MYOM2: variants seen among roughly 807,000 people sequenced by gnomAD.
MYOM2 encodes the protein myomesin 2.
Under a neutral mutation model 187.6 loss-of-function variants are expected in MYOM2, and 254 were observed. The ratio of observed to expected loss-of-function variants is 1.35; its 90% CI spans 1.22 to 1.50. MYOM2 has a LOEUF of 1.50. MYOM2 is among the 40% of genes most tolerant of loss of function. The probability of loss-of-function intolerance (pLI) is 0.00; values close to 1 mark genes in which losing one functional copy is unlikely to be tolerated. For synonymous variants in MYOM2, 981 were observed against 753.8 expected, an observed-to-expected ratio of 1.30 and a Z score of -4.94; for missense variants, 2,796 against 1,924.0, an observed-to-expected ratio of 1.45 and a Z score of -8.48.
At chr8:2,104,763 G>T (rs948911774) in intron 21 of MYOM2, among the ~76,000 whole-genome samples, 1 of 152,100 alleles carries the variant, frequency 6.6e-6, no homozygotes, top group Admixed American at 6.5e-5. Context: ...AACTGGGTGT[G>T]TGCGGAAACG....
At chr8:2,048,405 G>T (rs1440599783) in intron 1 of MYOM2, among the ~76,000 whole-genome samples, 2 of 152,248 alleles carry the variant, frequency 1.3e-5, no homozygotes, top group African/African-American at 2.4e-5. Flanking sequence ...GATCCACCTT[G>T]ATTAACTCAT....
chr8:2,139,420 T>C (rs1404332750), intron 32 of MYOM2, among the ~76,000 whole-genome samples: 1 of 152,156 alleles, frequency 6.6e-6, no homozygotes, highest in South Asian at 2.1e-4. Flanking sequence ...GGGTTACAGG[T>C]GTGAGCCACC....
At chr8:2,135,285 T>A (rs1362490424) in intron 32 of MYOM2, among the ~76,000 whole-genome samples, 1 of 152,234 alleles carries the variant, frequency 6.6e-6, no homozygotes, top group Non-Finnish European at 1.5e-5. Context: ...CAGTATCAAA[T>A]CAAAATATTG....
intron 32 of MYOM2, among the ~76,000 whole-genome samples, chr8:2,136,939 G>C (rs1430382405): frequency 6.6e-6 from 1 of 152,094 alleles, no homozygotes; most frequent in African/African-American, 2.4e-5. Context: ...AATTTCACCT[G>C]TTGGACAAAG....
intron 32 of MYOM2, among the ~76,000 whole-genome samples, chr8:2,137,981 A>G (rs62480009): frequency 0.049 from 7,509 of 152,152 alleles, 565 homozygotes; most frequent in African/African-American, 0.16. Context: ...TGCCTGGTAT[A>G]TGTTCTGTGC....
chr8:2,123,780 A>T (rs1168631376), intron 30 of MYOM2, 138 bp downstream of exon 30: 4 of 730,826 alleles, frequency 5.5e-6, no homozygotes, highest in Non-Finnish European at 9.0e-6. Context: ...GTAGAAAAAA[A>T]CTATTTGTTC....
chr8:2,089,312 G>A (rs1796212267), intron 14 of MYOM2, among the ~76,000 whole-genome samples: 1 of 57,964 alleles, frequency 1.7e-5, no homozygotes, highest in South Asian at 8.7e-4. Context: ...TACATGGAAT[G>A]CAATTAAAAT....
intron 27 of MYOM2, 65 bp from the exon 28 acceptor site, chr8:2,117,820 A>C (rs1365428509): frequency 9.9e-7 from 1 of 1,011,568 alleles, no homozygotes. Flanking sequence ...TATATATAAT[A>C]GCTATATATT....
intron 15 of MYOM2, among the ~76,000 whole-genome samples, chr8:2,091,016 C>CTTTTTTTTTT (rs35873643): frequency 4.6e-5 from 4 of 86,524 alleles, no homozygotes; most frequent in Admixed American, 1.6e-4. Flanking sequence ...AATGATAGTT[C>CTTTTTTTTTT]TTTTTTTTTT....
chr8:2,123,614 T>C lies in MYOM2; in HGVS notation c.3627T>C (p.Asp1209=), dbSNP rs750157790. ...CCTTGAAAGATGACAGAGGCCAAGA[T>C]GTGTCCATCCTTGAAATAGCTGGCA... ...KATLKDDRGQ[D]VSILEIAGKV... is the part of the protein sequence containing the mutation. The change falls in exon 30 of 37, where the codon GAT becomes GAC. Residue 1209 remains aspartate, a synonymous_variant. Transcript: ENST00000262113. 2 of 1,614,174 alleles carry C rather than the reference T, an allele frequency of 1.2e-6. No individual in the cohort carries two copies. Among genetic ancestry groups the C allele is most frequent in the Admixed American group, 1.7e-5 (1 of 60,020 alleles).
intron 6 of MYOM2, among the ~76,000 whole-genome samples, chr8:2,068,124 G>A (rs761459139): frequency 2.0e-5 from 3 of 152,174 alleles, no homozygotes; most frequent in African/African-American, 4.8e-5. Flanking sequence ...TTCAATGCTC[G>A]TGTGCGCCAG....
At chr8:2,065,440 C>G (rs575365907) in intron 6 of MYOM2, among the ~76,000 whole-genome samples, 2 of 151,978 alleles carry the variant, frequency 1.3e-5, no homozygotes, top group African/African-American at 4.8e-5. Flanking sequence ...TGTGGTGGTG[C>G]GCACCTGTAA....
At chr8:2,129,342 C>G in intron 32 of MYOM2, 110 bp downstream of exon 32, 1 of 638,968 alleles carries the variant, frequency 1.6e-6, no homozygotes, top group East Asian at 2.7e-5. Flanking sequence ...CATTTCCCCT[C>G]AAAATTTTAT....
rs1797805600 is a variant in MYOM2 at position 2,130,123 on chromosome 8, ACGCTATACCCAG to A, written c.3800+892_3800+903del. Among the ~76,000 whole-genome samples the A allele has an allele frequency of 2.7e-5, 4 of 150,192 alleles. 1 individual carries two copies. Among genetic ancestry groups the A allele is most frequent in the African/African-American group, 9.9e-5 (4 of 40,324 alleles). On this transcript the variant is annotated intron_variant, in intron 32 of 36. Transcript: ENST00000262113. ...CCGCCTTTAGTTAACGCCCCTCAGT[ACGCTATACCCAG>A]GGCGTCCCCACCGCGCCTTTAGTGA... is the stretch of plus-strand genomic sequence containing the variant.
chr8:2,048,972 T>A (rs1286165026), intron 1 of MYOM2, among the ~76,000 whole-genome samples: 3 of 151,958 alleles, frequency 2.0e-5, no homozygotes, highest in Non-Finnish European at 1.5e-5. Context: ...GTATTTTTTT[T>A]AGTAGAGACG....
chr8:2,094,176 A>T, intron 17 of MYOM2, 85 bp downstream of exon 17: 4 of 1,528,784 alleles, frequency 2.6e-6, no homozygotes, highest in Non-Finnish European at 3.6e-6. Context: ...TGCCATTTGG[A>T]ATGTCATTGA....
intron 31 of MYOM2, among the ~76,000 whole-genome samples, chr8:2,126,185 G>C (rs999637037): frequency 6.6e-6 from 1 of 152,190 alleles, no homozygotes; most frequent in African/African-American, 2.4e-5. Flanking sequence ...AGATGCAGCG[G>C]CTGAGGGGAC....
intron 35 of MYOM2, 188 bp from the exon 36 acceptor site, chr8:2,143,213 C>T (rs955915784): frequency 1.3e-5 from 9 of 673,208 alleles, no homozygotes; most frequent in Non-Finnish European, 2.1e-5. Context: ...ATCTCCTCAT[C>T]TACCTTCCCT....
chr8:2,068,276 G>C (rs1819086659), intron 6 of MYOM2, among the ~76,000 whole-genome samples: 1 of 151,718 alleles, frequency 6.6e-6, no homozygotes, highest in East Asian at 1.9e-4. Flanking sequence ...GTGTGCACCA[G>C]GCAGAGAGCA....
Sources: gnomAD v4.1 joint callset for allele counts (sites outside exome capture counted in the v4.1 genomes callset) on GRCh38, gnomAD v4.1.1 for gene constraint, MANE v1.5 for transcripts, NCBI Gene and HGNC (gene_info 2026-07-23, HGNC 2026-07-21) for gene names.